FHIT: variants seen among roughly 807,000 people sequenced by gnomAD.
FHIT encodes bis(5'-adenosyl)-triphosphatase.
Under a neutral mutation model 17.9 loss-of-function variants are expected in FHIT, and 19 were observed. The observed-to-expected ratio is 1.06, with a 90% CI of 0.74 to 1.56. FHIT has a LOEUF of 1.56. Ranked by LOEUF, FHIT falls within the 40% of genes most tolerant of loss-of-function variation. The pLI is 0.00. For missense variants in FHIT, 248 were observed against 189.2 expected, an observed-to-expected ratio of 1.31 and a Z score of -1.82; for synonymous variants, 81 against 69.7, an observed-to-expected ratio of 1.16 and a Z score of -0.81.
chr3:60,659,448 CCTT>C (rs34163614), intron 4 of FHIT, among the ~76,000 whole-genome samples: 41,302 of 151,502 alleles, frequency 0.27, 6,024 homozygotes, highest in Non-Finnish European at 0.34. Flanking sequence ...CAGCTCTGTT[CCTT>C]CTTCTTCAAT....
At chr3:59,950,484 C>T (rs1327394784) in intron 7 of FHIT, among the ~76,000 whole-genome samples, 1 of 152,324 alleles carries the variant, frequency 6.6e-6, no homozygotes, top group East Asian at 1.9e-4. Flanking sequence ...GAAACTATCA[C>T]TCACTCCCCT....
intron 4 of FHIT, among the ~76,000 whole-genome samples, chr3:60,817,102 T>A (rs1337700581): frequency 6.6e-6 from 1 of 152,084 alleles, no homozygotes; most frequent in Non-Finnish European, 1.5e-5. Context: ...TTTAATTTTA[T>A]ACTATCTCAT....
chr3:59,905,494 C>A (rs1444354036), intron 8 of FHIT, among the ~76,000 whole-genome samples: 1 of 152,116 alleles, frequency 6.6e-6, no homozygotes, highest in Non-Finnish European at 1.5e-5. Context: ...TAACCTAGTG[C>A]CTCTCACGTA....
At chr3:59,960,418 T>C (rs967717962) in intron 7 of FHIT, among the ~76,000 whole-genome samples, 10 of 152,176 alleles carry the variant, frequency 6.6e-5, no homozygotes, top group South Asian at 2.1e-4. Flanking sequence ...CCTGACCAGA[T>C]AGATGTTGCT....
intron 4 of FHIT, among the ~76,000 whole-genome samples, chr3:60,591,348 C>T (rs1213404279): frequency 2.0e-5 from 3 of 151,690 alleles, no homozygotes; most frequent in African/African-American, 7.3e-5. Flanking sequence ...ATTTCCAAAC[C>T]TAATGAGAGA....
intron 5 of FHIT, among the ~76,000 whole-genome samples, chr3:60,249,241 T>A (rs11718430): frequency 0.18 from 26,684 of 152,150 alleles, 2,491 homozygotes; most frequent in Admixed American, 0.26. Context: ...ACTTTCCGTA[T>A]GTTTCACAAT....
chr3:60,688,274 T>C (rs2040904143), intron 4 of FHIT, among the ~76,000 whole-genome samples: 1 of 152,172 alleles, frequency 6.6e-6, no homozygotes, highest in South Asian at 2.1e-4. Flanking sequence ...ATAGGTTAGA[T>C]GCATTTCCCA....
At chr3:60,144,838 C>T (rs1239940594) in intron 5 of FHIT, among the ~76,000 whole-genome samples, 2 of 152,106 alleles carry the variant, frequency 1.3e-5, no homozygotes, top group African/African-American at 4.8e-5. Flanking sequence ...ATGTATTTCT[C>T]CTATCTGGCT....
intron 2 of FHIT, among the ~76,000 whole-genome samples, chr3:61,043,501 G>A (rs527985701): frequency 4.3e-4 from 66 of 152,322 alleles, no homozygotes; most frequent in East Asian, 1.7e-3. Context: ...GGAGCCCACC[G>A]CAGCTCAAGG....
chr3:59,758,260 G>C (rs113183338), intron 8 of FHIT, among the ~76,000 whole-genome samples: 2 of 152,172 alleles, frequency 1.3e-5, no homozygotes, highest in Non-Finnish European at 2.9e-5. Context: ...CCCCAGCAAG[G>C]CAACTTGTAC....
chr3:60,860,617 A>AT (rs1491399880), intron 3 of FHIT, among the ~76,000 whole-genome samples: 21 of 90,226 alleles, frequency 2.3e-4, no homozygotes, highest in African/African-American at 4.5e-4. Flanking sequence ...ATACATATGT[A>AT]CATATATATC....
intron 4 of FHIT, among the ~76,000 whole-genome samples, chr3:60,545,843 A>T (rs904877268): frequency 2.5e-4 from 25 of 100,916 alleles, no homozygotes; most frequent in African/African-American, 4.5e-4. Context: ...TACATGAGAC[A>T]TCAAATTGTT....
intron 8 of FHIT, among the ~76,000 whole-genome samples, chr3:59,814,551 C>T (rs908275634): frequency 2.6e-5 from 4 of 152,222 alleles, no homozygotes; most frequent in African/African-American, 9.6e-5. Context: ...TTGGAAATAA[C>T]ATCAAATGTC....
At chr3:60,005,361 G>C (rs1016116592) in intron 7 of FHIT, among the ~76,000 whole-genome samples, 1 of 152,156 alleles carries the variant, frequency 6.6e-6, no homozygotes, top group East Asian at 1.9e-4. Flanking sequence ...TTTAGTAGGA[G>C]AGAGGAAGTT....
intron 5 of FHIT, among the ~76,000 whole-genome samples, chr3:60,157,593 G>A (rs1700757871): frequency 1.3e-5 from 2 of 152,330 alleles, no homozygotes; most frequent in South Asian, 4.1e-4. Context: ...AAAAGGCAGA[G>A]TAGAAGAAGC....
At chr3:60,065,674 G>A (rs755843674) in intron 5 of FHIT, among the ~76,000 whole-genome samples, 1 of 152,080 alleles carries the variant, frequency 6.6e-6, no homozygotes, top group African/African-American at 2.4e-5. Flanking sequence ...TTTTTATTTT[G>A]CACTGAATTA....
chr3:59,913,888 TC>T (rs1264676909), intron 8 of FHIT, among the ~76,000 whole-genome samples: 1 of 152,230 alleles, frequency 6.6e-6, no homozygotes, highest in African/African-American at 2.4e-5. Flanking sequence ...ACCAGCTATT[TC>T]TTGATTTCCT....
chr3:61,113,534 C>T (rs2036217942), intron 2 of FHIT, among the ~76,000 whole-genome samples: 1 of 152,170 alleles, frequency 6.6e-6, no homozygotes. Context: ...AAGCACCATG[C>T]TGAGAGCTTT....
At chr3:60,206,058 G>A (rs558781564) in intron 5 of FHIT, among the ~76,000 whole-genome samples, 119 of 150,414 alleles carry the variant, frequency 7.9e-4, no homozygotes, top group Middle Eastern at 3.5e-3. Context: ...GCGTGAACCC[G>A]GGAGGCGGAG....
Sources: allele counts gnomAD v4.1 joint callset (sites outside exome capture counted in the v4.1 genomes callset), GRCh38; gene constraint gnomAD v4.1.1; transcripts MANE v1.5; gene names NCBI Gene and HGNC (gene_info 2026-07-23, HGNC 2026-07-21).